ZDHHC17: variants seen among roughly 807,000 people sequenced by gnomAD.
ZDHHC17 encodes palmitoyltransferase ZDHHC17.
Under a neutral mutation model 90.3 loss-of-function variants are expected in ZDHHC17, and 40 were observed. That is an observed-to-expected ratio of 0.44 (90% CI 0.34 to 0.58). The LOEUF is 0.58. ZDHHC17 is among the 20% of genes least tolerant of loss of function. The probability of loss-of-function intolerance (pLI) is 0.01; values close to 1 mark genes in which losing one functional copy is unlikely to be tolerated. For synonymous variants in ZDHHC17, 235 were observed against 252.4 expected (o/e 0.93, Z 0.65); for missense variants, 614 against 780.8 (o/e 0.79, Z 2.55).
intron 1 of ZDHHC17, chr12:76,769,011 ATC>A: frequency 3.1e-6 from 1 of 319,928 alleles, no homozygotes; most frequent in South Asian, 2.4e-5. Context: ...TATTGCTATT[ATC>A]TACTGTCCTC....
At chr12:76,816,260 G>A (rs1042253705) in intron 7 of ZDHHC17, among the ~76,000 whole-genome samples, 1 of 151,778 alleles carries the variant, frequency 6.6e-6, no homozygotes, top group Admixed American at 6.6e-5. Flanking sequence ...GTTGATAGGA[G>A]GACCCCCACC....
chr12:76,783,245 A>G (rs554558252), intron 1 of ZDHHC17, among the ~76,000 whole-genome samples: 1 of 152,228 alleles, frequency 6.6e-6, no homozygotes, highest in African/African-American at 2.4e-5. Context: ...CTGTTTTCAC[A>G]CTGCTATAAA....
At chr12:76,786,934 TCTC>T (rs1435538643) in intron 1 of ZDHHC17, among the ~76,000 whole-genome samples, 2 of 152,372 alleles carry the variant, frequency 1.3e-5, no homozygotes, top group South Asian at 2.1e-4. Flanking sequence ...TTTTTGCACT[TCTC>T]CTAAGAGATA....
At chr12:76,781,520 T>C (rs925470371) in intron 1 of ZDHHC17, 7 of 430,528 alleles carry the variant, frequency 1.6e-5, no homozygotes, top group Middle Eastern at 5.1e-4. Context: ...ATCAAGAGAG[T>C]GAGTTTGTTA....
intron 2 of ZDHHC17, among the ~76,000 whole-genome samples, chr12:76,799,678 C>A (rs1343259192): frequency 5.9e-5 from 9 of 152,182 alleles, no homozygotes; most frequent in Non-Finnish European, 8.8e-5. Flanking sequence ...TTAAGGTGAT[C>A]TCATCTTTTG....
intron 7 of ZDHHC17, among the ~76,000 whole-genome samples, chr12:76,818,904 A>G (rs1490642605): frequency 6.6e-6 from 1 of 152,208 alleles, no homozygotes; most frequent in Admixed American, 6.5e-5. Flanking sequence ...TGGTTGATGT[A>G]TGGAGAATGC....
chr12:76,833,324 T>C lies in ZDHHC17; in HGVS notation c.1141+4834T>C, dbSNP rs184299662. Among the ~76,000 whole-genome samples, 116 of 152,360 alleles carry C rather than the reference T, an allele frequency of 7.6e-4. 1 individual carries two copies. The highest frequency in any genetic ancestry group is 2.9e-4 in the Non-Finnish European group (20 of 68,038). On this transcript the variant is annotated intron_variant, in intron 10 of 16. Coordinates refer to ENST00000426126, the MANE Select transcript of ZDHHC17 (RefSeq NM_015336.4). ...AGACTGAGGCTCTGAGAAGTTGTTA[T>C]GTCTTGCTCAAAGTCACATAGGTGG...
At chr12:76,776,101 AAG>A (rs1448813592) in intron 1 of ZDHHC17, among the ~76,000 whole-genome samples, 1 of 151,906 alleles carries the variant, frequency 6.6e-6, no homozygotes, top group Non-Finnish European at 1.5e-5. Flanking sequence ...AGTCCCAAAA[AAG>A]GGTACAGGTG....
At chr12:76,783,614 A>AT (rs1274697663) in intron 1 of ZDHHC17, among the ~76,000 whole-genome samples, 1 of 152,250 alleles carries the variant, frequency 6.6e-6, no homozygotes, top group African/African-American at 2.4e-5. Context: ...TGGAATACAG[A>AT]TTTTATCTCT....
chr12:76,850,421 C>G (rs891544961), intron 16 of ZDHHC17, among the ~76,000 whole-genome samples: 50 of 151,860 alleles, frequency 3.3e-4, no homozygotes, highest in Non-Finnish European at 8.8e-5. Context: ...AGGTTTTTAT[C>G]AAAAATTACA....
intron 1 of ZDHHC17, among the ~76,000 whole-genome samples, chr12:76,786,842 C>T (rs527405211): frequency 6.6e-6 from 1 of 152,164 alleles, no homozygotes; most frequent in Non-Finnish European, 1.5e-5. Flanking sequence ...TTACTTCCTT[C>T]CTCAAAACTC....
Position 76,852,022 on chromosome 12 carries a change from A to G in ZDHHC17, c.*1037A>G, listed in dbSNP as rs150344965. On this transcript the variant is annotated 3_prime_UTR_variant, in exon 17 of 17. Transcript: ENST00000426126. ...AAGCTGACAGTATATTCTGGTTTCA[A>G]TAAAATGACCTATCAGAAAGTAGAA... 6.5e-6 allele frequency: 1 copy of G among 152,760 alleles called. No individual in the cohort carries two copies. The highest frequency in any genetic ancestry group is 2.4e-5 in the African/African-American group (1 of 41,590). 9.5% of individuals were successfully genotyped at this position (152,760 alleles called of 1,614,324 possible). A position where few individuals can be genotyped will look rare whatever the true frequency, so the allele number is the denominator to read the frequency against.
chr12:76,846,484 T>C (rs1953496457), intron 13 of ZDHHC17, 112 bp from the exon 14 acceptor site: 3 of 700,880 alleles, frequency 4.3e-6, no homozygotes, highest in Middle Eastern at 2.4e-4. Context: ...AATGAATGTA[T>C]GTGTGATTAT....
At chr12:76,805,836 A>G (rs189615245) in intron 3 of ZDHHC17, among the ~76,000 whole-genome samples, 1 of 152,330 alleles carries the variant, frequency 6.6e-6, no homozygotes, top group East Asian at 1.9e-4. Flanking sequence ...CACATTCCAA[A>G]TGTGGATTCT....
chr12:76,797,944 CACACACA>C (rs1952842147), intron 2 of ZDHHC17, among the ~76,000 whole-genome samples: 1 of 10,998 alleles, frequency 9.1e-5, no homozygotes, highest in Non-Finnish European at 1.5e-4. Context: ...AACTCTGCCA[CACACACA>C]CACACACACA....
chr12:76,787,640 CTG>C (rs1952705251), intron 1 of ZDHHC17, among the ~76,000 whole-genome samples: 1 of 137,570 alleles, frequency 7.3e-6, no homozygotes, highest in South Asian at 2.3e-4. Context: ...CTCTCTCTCT[CTG>C]TCTCTTGTGT....
chr12:76,802,760 G>A (rs1952906647), intron 2 of ZDHHC17, among the ~76,000 whole-genome samples: 1 of 152,066 alleles, frequency 6.6e-6, no homozygotes, highest in Admixed American at 6.6e-5. Context: ...GTTATTGTAC[G>A]TTTTAGTTCT....
chr12:76,764,809 C>G (rs1164097232), intron 1 of ZDHHC17: 1 of 456,934 alleles, frequency 2.2e-6, no homozygotes, highest in Non-Finnish European at 4.4e-6. Context: ...TGATGTCCTT[C>G]CAGGTAATGC....
intron 7 of ZDHHC17, among the ~76,000 whole-genome samples, chr12:76,822,132 A>G (rs1053677885): frequency 4.6e-5 from 7 of 152,236 alleles, no homozygotes; most frequent in Non-Finnish European, 1.0e-4. Flanking sequence ...TCCAGCAGGT[A>G]CTAAAATACC....
Sources: gnomAD v4.1 joint callset for allele counts (sites outside exome capture counted in the v4.1 genomes callset) on GRCh38, gnomAD v4.1.1 for gene constraint, MANE v1.5 for transcripts, NCBI Gene and HGNC (gene_info 2026-07-23, HGNC 2026-07-21) for gene names.